The following OPCML variants were observed in gnomAD, a reference collection of about 807,000 sequenced individuals.
OPCML encodes the protein opioid binding protein/cell adhesion molecule like.
In OPCML, 13 loss-of-function variants were observed where a neutral mutation model predicts 37.8. That is an observed-to-expected ratio of 0.34 (90% confidence interval 0.22 to 0.55). The LOEUF (loss-of-function observed/expected upper bound fraction) is 0.55. OPCML is among the 20% of genes least tolerant of loss of function. The pLI is 0.91. For synonymous variants in OPCML, 176 were observed against 168.8 expected (o/e 1.04, Z -0.33); for missense variants, 341 against 435.6 (o/e 0.78, Z 1.93).
intron 1 of OPCML, among the ~76,000 whole-genome samples, chr11:133,190,398 C>T (rs1399389171): frequency 6.6e-6 from 1 of 152,146 alleles, no homozygotes; most frequent in Non-Finnish European, 1.5e-5. Flanking sequence ...ACCATGAATT[C>T]CTGTTGCTCT....
At chr11:133,384,598 A>G (rs983471612) in intron 1 of OPCML, among the ~76,000 whole-genome samples, 2 of 152,190 alleles carry the variant, frequency 1.3e-5, no homozygotes, top group African/African-American at 4.8e-5. Flanking sequence ...CAGTCTATCA[A>G]TCCTAGCTCT....
chr11:133,363,810 T>C (rs1423026879), intron 1 of OPCML, among the ~76,000 whole-genome samples: 3 of 152,168 alleles, frequency 2.0e-5, no homozygotes, highest in Admixed American at 2.0e-4. Flanking sequence ...GCTCTCTCTA[T>C]TTCTTTGCAG....
At chr11:133,284,473 G>T (rs373577299) in intron 1 of OPCML, among the ~76,000 whole-genome samples, 1 of 152,208 alleles carries the variant, frequency 6.6e-6, no homozygotes, top group African/African-American at 2.4e-5. Flanking sequence ...ACAAAAAAAC[G>T]ACCTGCCTTC....
chr11:133,468,539 T>G (rs150378490), intron 1 of OPCML, among the ~76,000 whole-genome samples: 1,824 of 152,296 alleles, frequency 0.012, 13 homozygotes, highest in Middle Eastern at 0.048. Context: ...CAGGTCCAGA[T>G]GACTGACTCT....
chr11:132,636,775 AG>A (rs1266422418), intron 3 of OPCML, among the ~76,000 whole-genome samples: 1 of 152,324 alleles, frequency 6.6e-6, no homozygotes, highest in African/African-American at 2.4e-5. Context: ...ATGCTAAAGA[AG>A]ACACTGGGAG....
intron 1 of OPCML, among the ~76,000 whole-genome samples, chr11:133,047,650 G>A (rs1353738829): frequency 2.6e-5 from 4 of 152,032 alleles, no homozygotes; most frequent in Admixed American, 6.6e-5. Context: ...CCATCACTCC[G>A]GCTACACTTC....
rs940026457 is a variant in OPCML, at chr11:133,342,641, C to A, written c.61+189623G>T. Among the ~76,000 whole-genome samples, 4 of 152,166 alleles carry A rather than the reference C, an allele frequency of 2.6e-5. No homozygotes were observed. The East Asian group carries it at 7.8e-4, about 30-fold the overall frequency. Reference sequence around the variant, plus strand: ...TAGTGAAGCGTGTGAAGAGGGAGGGCGAAGAGTGGCAGTCTACAGGCAGCG... The same window carrying A: ...TAGTGAAGCGTGTGAAGAGGGAGGGAGAAGAGTGGCAGTCTACAGGCAGCG... On this transcript the variant is annotated intron_variant, in intron 1 of 7. Coordinates refer to ENST00000524381, the MANE Select transcript of OPCML (RefSeq NM_001012393.5).
At chr11:133,244,460 C>T (rs1005946408) in intron 1 of OPCML, among the ~76,000 whole-genome samples, 5 of 152,004 alleles carry the variant, frequency 3.3e-5, no homozygotes, top group East Asian at 1.9e-4. Flanking sequence ...AGTGTGTTCC[C>T]GAACACACGG....
intron 1 of OPCML, among the ~76,000 whole-genome samples, chr11:133,081,929 C>T (rs1162445444): frequency 6.6e-6 from 1 of 151,956 alleles, no homozygotes; most frequent in Non-Finnish European, 1.5e-5. Flanking sequence ...AGGCATCTGT[C>T]CCTTGCATCC....
At chr11:132,514,260 C>T (rs915591809) in intron 4 of OPCML, among the ~76,000 whole-genome samples, 21 of 152,198 alleles carry the variant, frequency 1.4e-4, no homozygotes, top group African/African-American at 5.1e-4. Flanking sequence ...ATGATATTGA[C>T]TTATAGTCAA....
At chr11:133,044,159 G>C (rs1185574584) in intron 1 of OPCML, among the ~76,000 whole-genome samples, 9 of 152,314 alleles carry the variant, frequency 5.9e-5, no homozygotes, top group Non-Finnish European at 1.2e-4. Flanking sequence ...CATGTGAGAA[G>C]GGTGTGTGCA....
chr11:132,459,847 T>C (rs186651182), intron 4 of OPCML, among the ~76,000 whole-genome samples: 134 of 152,310 alleles, frequency 8.8e-4, no homozygotes, highest in African/African-American at 2.9e-3. Context: ...TTTTCCAAAG[T>C]TCTAATTTTA....
At chr11:132,859,953 AG>A (rs1310678833) in intron 2 of OPCML, 3 of 152,196 alleles carry the variant, frequency 2.0e-5, no homozygotes, top group Non-Finnish European at 4.4e-5. Flanking sequence ...TCATTAAAAA[AG>A]GGGAAAATGC....
At chr11:133,375,483 C>A (rs1249222880) in intron 1 of OPCML, among the ~76,000 whole-genome samples, 2 of 152,322 alleles carry the variant, frequency 1.3e-5, no homozygotes, top group East Asian at 3.9e-4. Flanking sequence ...GAAAATAATT[C>A]TGGGGCTACT....
At chr11:132,713,319 C>T (rs1005812175) in intron 2 of OPCML, among the ~76,000 whole-genome samples, 2 of 152,142 alleles carry the variant, frequency 1.3e-5, no homozygotes, top group African/African-American at 4.8e-5. Flanking sequence ...GCCGTAAATT[C>T]CAATTACCTT....
chr11:133,296,906 A>G (rs58331365), intron 1 of OPCML, among the ~76,000 whole-genome samples: 7,377 of 152,284 alleles, frequency 0.048, 201 homozygotes, highest in Middle Eastern at 0.071. Context: ...GTAAAATAAT[A>G]GTTTTTTGGC....
chr11:132,688,699 A>AAAAGCTCCTTTTTGTGTAT (rs368503929), intron 2 of OPCML, among the ~76,000 whole-genome samples: 49 of 109,144 alleles, frequency 4.5e-4, no homozygotes, highest in South Asian at 1.7e-3. Context: ...ATAAAAATAG[A>AAAAGCTCCTTTTTGTGTAT]TTGGGAGGCC....
chr11:132,743,565 A>G (rs1490394128), intron 2 of OPCML, among the ~76,000 whole-genome samples: 1 of 152,202 alleles, frequency 6.6e-6, no homozygotes, highest in Non-Finnish European at 1.5e-5. Flanking sequence ...TTTCAAAAAG[A>G]AATGACCCTT....
chr11:133,500,679 T>G (rs1350179096), intron 1 of OPCML, among the ~76,000 whole-genome samples: 2 of 152,166 alleles, frequency 1.3e-5, no homozygotes, highest in Non-Finnish European at 2.9e-5. Context: ...GCTCGAGTCC[T>G]CCTCCTGCAT....
Sources: gnomAD v4.1 joint callset for allele counts (sites outside exome capture counted in the v4.1 genomes callset) on GRCh38, gnomAD v4.1.1 for gene constraint, MANE v1.5 for transcripts, NCBI Gene and HGNC (gene_info 2026-07-23, HGNC 2026-07-21) for gene names.